Variants in MBD2 observed in about 807,000 individuals in gnomAD.
The protein encoded by MBD2 is methyl-CpG binding domain protein 2.
Under a neutral mutation model 39.3 loss-of-function variants are expected in MBD2, and 9 were observed. The ratio of observed to expected loss-of-function variants is 0.23; its 90% CI spans 0.14 to 0.40. The LOEUF (loss-of-function observed/expected upper bound fraction) is 0.40, where lower values mean the gene tolerates loss of function less well. Ranked by LOEUF, MBD2 falls within the 10% of genes least tolerant of loss-of-function variation. The pLI, the probability that MBD2 is intolerant of heterozygous loss-of-function variation, is 1.00. For missense variants in MBD2, 458 were observed against 532.6 expected (o/e 0.86, Z 1.38); for synonymous variants, 233 against 211.1 (o/e 1.10, Z -0.90).
chr18:54,175,810 C>T (rs2086208321), intron 3 of MBD2, among the ~76,000 whole-genome samples: 1 of 152,192 alleles, frequency 6.6e-6, no homozygotes, highest in Non-Finnish European at 1.5e-5. Flanking sequence ...TGTCCTACTT[C>T]ACTGATACAT....
At chr18:54,205,213 T>G in intron 1 of MBD2, 56 bp from the exon 2 acceptor site, 1 of 1,457,162 alleles carries the variant, frequency 6.9e-7, no homozygotes, top group East Asian at 2.3e-5. Flanking sequence ...CACATAAGCC[T>G]TTTCTTCATG....
Position 54,211,648 on chromosome 18 carries a change from T to C in MBD2, c.543-6491A>G, listed in dbSNP as rs534030104. Among the ~76,000 whole-genome samples, 27 of 152,274 alleles carry C rather than the reference T, an allele frequency of 1.8e-4. 1 individual carries two copies. In the East Asian group the frequency reaches 5.2e-3, roughly 29 times the overall value. Reference sequence around the variant, plus strand: ...ACACAGCCTTCCTTTCCATTGCCACTGCCCAAATCAAGTCTGCATCACCTC... The same window carrying C: ...ACACAGCCTTCCTTTCCATTGCCACCGCCCAAATCAAGTCTGCATCACCTC... On this transcript the variant is annotated intron_variant, in intron 1 of 6. Transcript: ENST00000256429.
intron 1 of MBD2, among the ~76,000 whole-genome samples, chr18:54,205,381 G>A (rs890153725): frequency 8.6e-5 from 13 of 151,806 alleles, no homozygotes; most frequent in African/African-American, 2.7e-4. Context: ...AGACCAGTCC[G>A]GCCAACATGG....
chr18:54,200,229 T>C (rs17462973), intron 2 of MBD2, among the ~76,000 whole-genome samples: 5,794 of 152,114 alleles, frequency 0.038, 160 homozygotes, highest in Non-Finnish European at 0.059. Context: ...ACCAGTAGTA[T>C]TGTCAAGCAA....
intron 3 of MBD2, among the ~76,000 whole-genome samples, chr18:54,168,215 C>G (rs2086150177): frequency 6.6e-6 from 1 of 151,640 alleles, no homozygotes; most frequent in Admixed American, 6.6e-5. Flanking sequence ...GTTCCAATTC[C>G]AGATATTAAA....
intron 2 of MBD2, among the ~76,000 whole-genome samples, chr18:54,203,894 T>C (rs775785406): frequency 8.5e-5 from 13 of 152,238 alleles, no homozygotes; most frequent in Non-Finnish European, 1.6e-4. Flanking sequence ...AGATGTTCTA[T>C]ATAAATTCCC....
intron 2 of MBD2, 80 bp downstream of exon 2, chr18:54,204,918 C>T: frequency 2.8e-6 from 4 of 1,418,762 alleles, no homozygotes; most frequent in Non-Finnish European, 3.9e-6. Flanking sequence ...ACCAAAATTC[C>T]AGTCACTTAA....
At chr18:54,183,386 T>A (rs2144304829) in intron 3 of MBD2, among the ~76,000 whole-genome samples, 1 of 152,190 alleles carries the variant, frequency 6.6e-6, no homozygotes, top group South Asian at 2.1e-4. Flanking sequence ...GAATGCATAG[T>A]ATTCCCCGGG....
chr18:54,202,674 C>A, intron 2 of MBD2: 1 of 1,045,472 alleles, frequency 9.6e-7, no homozygotes, highest in Non-Finnish European at 1.2e-6. Context: ...AAAGGTATTT[C>A]CAAAATAATG....
chr18:54,188,706 A>G (rs2086299873), intron 3 of MBD2, among the ~76,000 whole-genome samples, 168 bp downstream of exon 3: 1 of 152,156 alleles, frequency 6.6e-6, no homozygotes, highest in African/African-American at 2.4e-5. Flanking sequence ...TCTTAAAAAT[A>G]TTTTACCTAA....
intron 2 of MBD2, among the ~76,000 whole-genome samples, chr18:54,200,370 TTGA>T (rs1421338188): frequency 2.0e-5 from 3 of 152,256 alleles, no homozygotes; most frequent in African/African-American, 7.2e-5. Flanking sequence ...TATAAAACAT[TTGA>T]TGTTAAGACT....
intron 5 of MBD2, among the ~76,000 whole-genome samples, chr18:54,163,097 C>A (rs1397346920): frequency 1.3e-5 from 2 of 152,028 alleles, no homozygotes; most frequent in Non-Finnish European, 2.9e-5. Context: ...TATGGTGAAA[C>A]CCTGTCTCTA....
intron 1 of MBD2, among the ~76,000 whole-genome samples, chr18:54,223,621 C>T (rs1738554753): frequency 1.3e-5 from 2 of 152,238 alleles, no homozygotes; most frequent in African/African-American, 4.8e-5. Context: ...ATAGCTCATT[C>T]TTCCACATGT....
intron 1 of MBD2, among the ~76,000 whole-genome samples, chr18:54,206,654 G>A (rs191351096): frequency 6.6e-5 from 10 of 152,248 alleles, no homozygotes; most frequent in Admixed American, 5.2e-4. Flanking sequence ...CAAGATAACT[G>A]AAGATGCTAT....
intron 1 of MBD2, among the ~76,000 whole-genome samples, chr18:54,205,591 CA>C (rs10719481): frequency 0.71 from 64,085 of 90,086 alleles, 21,376 homozygotes; most frequent in East Asian, 0.93. Flanking sequence ...AACTCTATCT[CA>C]AAAAAAAAAA....
chr18:54,182,265 T>G (rs1028371570), intron 3 of MBD2, among the ~76,000 whole-genome samples: 2 of 152,228 alleles, frequency 1.3e-5, no homozygotes, highest in African/African-American at 4.8e-5. Context: ...AATATAGTTG[T>G]GATCAGAAAA....
intron 6 of MBD2, among the ~76,000 whole-genome samples, chr18:54,159,273 G>A (rs1185529618): frequency 1.3e-5 from 2 of 152,130 alleles, no homozygotes; most frequent in Non-Finnish European, 2.9e-5. Flanking sequence ...CCCAGTATGA[G>A]AACAAAAGAA....
chr18:54,220,023 G>T (rs985774015), intron 1 of MBD2, among the ~76,000 whole-genome samples: 3 of 152,040 alleles, frequency 2.0e-5, no homozygotes, highest in Admixed American at 6.6e-5. Context: ...GAATGGTCTC[G>T]ATCTCCTGAC....
intron 5 of MBD2, among the ~76,000 whole-genome samples, chr18:54,161,452 T>G (rs1358578807): frequency 6.6e-6 from 1 of 152,214 alleles, no homozygotes; most frequent in Non-Finnish European, 1.5e-5. Context: ...GTCTCACCTC[T>G]GGGTCAGTGA....
Sources: gnomAD v4.1 joint callset for allele counts (sites outside exome capture counted in the v4.1 genomes callset) on GRCh38, gnomAD v4.1.1 for gene constraint, MANE v1.5 for transcripts, NCBI Gene and HGNC (gene_info 2026-07-23, HGNC 2026-07-21) for gene names.